The following ARID2 variants were observed in gnomAD, a reference collection of about 807,000 sequenced individuals.
ARID2 encodes AT-rich interaction domain 2, also known as AT-rich interactive domain-containing protein 2.
Under a neutral mutation model 184.6 loss-of-function variants are expected in ARID2, and 32 were observed. The observed-to-expected ratio is 0.17, with a 90% CI of 0.13 to 0.23. ARID2 has a LOEUF of 0.23. Among genes scored for constraint, ARID2 ranks in the 10% least tolerant of loss-of-function variants. ARID2 has a pLI of 1.00. For synonymous variants in ARID2, 836 were observed against 772.6 expected (o/e 1.08, Z -1.36); for missense variants, 1,696 against 2,197.6 (o/e 0.77, Z 4.56).
At chr12:45,869,843 A>G (rs2138203191) in intron 16 of ARID2, among the ~76,000 whole-genome samples, 1 of 152,260 alleles carries the variant, frequency 6.6e-6, no homozygotes. Flanking sequence ...AGATCATGCC[A>G]TTGCATTCCA....
chr12:45,821,723 C>T (rs1465708315), intron 6 of ARID2, among the ~76,000 whole-genome samples: 1 of 152,150 alleles, frequency 6.6e-6, no homozygotes, highest in Non-Finnish European at 1.5e-5. Context: ...ACAACAATAG[C>T]AGTAAACAAT....
chr12:45,749,091 T>C (rs1941412358), intron 3 of ARID2, among the ~76,000 whole-genome samples: 1 of 152,222 alleles, frequency 6.6e-6, no homozygotes, highest in Non-Finnish European at 1.5e-5. Flanking sequence ...TCAGACTACT[T>C]TGCTCACTTC....
At position 45,865,401 on chromosome 12, in the gene ARID2, T is replaced by C. The variant is rs1943816086; in HGVS notation, c.4922+4452T>C. Among the ~76,000 whole-genome samples, 3 of 152,134 alleles carry C rather than the reference T, an allele frequency of 2.0e-5. No homozygotes were observed. In the South Asian group the frequency reaches 6.2e-4, roughly 31 times the overall value. On this transcript the variant is annotated intron_variant, in intron 16 of 20. Coordinates refer to ENST00000334344, the MANE Select transcript of ARID2 (RefSeq NM_152641.4). ...TCAATTAATCATTTGTCTTTTAAAGTAAACAGACAAATGATTGTCTTTTTA... is the reference window on the plus strand; with the variant it reads ...TCAATTAATCATTTGTCTTTTAAAGCAAACAGACAAATGATTGTCTTTTTA...
intron 11 of ARID2, chr12:45,841,066 A>G (rs1003498395): frequency 5.9e-5 from 9 of 152,206 alleles, no homozygotes; most frequent in African/African-American, 1.9e-4. Flanking sequence ...GAAACTGTTC[A>G]TATTGCTAGT....
intron 16 of ARID2, among the ~76,000 whole-genome samples, chr12:45,873,594 T>C (rs1366297100): frequency 2.0e-5 from 3 of 152,072 alleles, no homozygotes; most frequent in Non-Finnish European, 4.4e-5. Context: ...CTCAGAGATA[T>C]TGCATGTTTG....
chr12:45,872,693 A>G (rs565579429), intron 16 of ARID2, among the ~76,000 whole-genome samples: 1 of 152,222 alleles, frequency 6.6e-6, no homozygotes, highest in Non-Finnish European at 1.5e-5. Flanking sequence ...ATGGGTGGGG[A>G]CACAGCCAAA....
chr12:45,842,176 A>G (rs528036949), intron 11 of ARID2: 1 of 150,810 alleles, frequency 6.6e-6, no homozygotes, highest in Admixed American at 6.6e-5. Flanking sequence ...GGCTGTAGTG[A>G]GCTATGAATG....
At chr12:45,763,264 T>C (rs1220575085) in intron 3 of ARID2, among the ~76,000 whole-genome samples, 2 of 151,744 alleles carry the variant, frequency 1.3e-5, no homozygotes, top group Non-Finnish European at 2.9e-5. Context: ...AGGTCAGGAG[T>C]TTGAGGCCAG....
chr12:45,756,742 G>A (rs1368032076), intron 3 of ARID2, among the ~76,000 whole-genome samples: 1 of 152,168 alleles, frequency 6.6e-6, no homozygotes, highest in Non-Finnish European at 1.5e-5. Flanking sequence ...TGAGGCGGGA[G>A]GATTGCTTGA....
chr12:45,751,786 T>A (rs1941469599), intron 3 of ARID2, among the ~76,000 whole-genome samples: 2 of 152,208 alleles, frequency 1.3e-5, no homozygotes, highest in South Asian at 4.1e-4. Flanking sequence ...ATGGTAAGTA[T>A]TTGTGTATCT....
intron 6 of ARID2, among the ~76,000 whole-genome samples, chr12:45,822,489 A>G (rs534050982): frequency 6.6e-6 from 1 of 152,308 alleles, no homozygotes; most frequent in East Asian, 1.9e-4. Flanking sequence ...GCAGTGAGCT[A>G]TAATTGTGCC....
chr12:45,866,155 CTATATA>C (rs933955400), intron 16 of ARID2, among the ~76,000 whole-genome samples: 68 of 151,602 alleles, frequency 4.5e-4, no homozygotes, highest in African/African-American at 1.6e-3. Flanking sequence ...ATTAATATGA[CTATATA>C]TATATACTTT....
chr12:45,873,026 T>A (rs562950012), intron 16 of ARID2, among the ~76,000 whole-genome samples: 1 of 152,350 alleles, frequency 6.6e-6, no homozygotes, highest in South Asian at 2.1e-4. Context: ...TCTATCAGTG[T>A]TTGACTCACA....
chr12:45,868,594 ATTTTTTG>A, intron 16 of ARID2, among the ~76,000 whole-genome samples: 3 of 152,144 alleles, frequency 2.0e-5, no homozygotes, highest in Non-Finnish European at 4.4e-5. Context: ...TAAAATGCAC[ATTTTTTG>A]CTTTGTAATA....
intron 16 of ARID2, among the ~76,000 whole-genome samples, chr12:45,886,955 C>T (rs1944202429): frequency 6.6e-6 from 1 of 152,152 alleles, no homozygotes; most frequent in Non-Finnish European, 1.5e-5. Context: ...AGACATTTTC[C>T]CCATTGTCTT....
chr12:45,846,845 T>C lies in ARID2; in HGVS notation c.1499-11T>C, dbSNP rs1007553569. 2 of 1,611,806 alleles carry C rather than the reference T, an allele frequency of 1.2e-6. No individual in the cohort carries two copies. Among genetic ancestry groups the C allele is most frequent in the African/African-American group, 1.3e-5 (1 of 74,860 alleles). ...TAAGAAATGATGTAGCTAATGTATT[T>C]TTTTCTTTAGCTTCCAGAGCAGTTG... On this transcript the variant is annotated splice_polypyrimidine_tract_variant and intron_variant, in intron 11 of 20. Transcript: ENST00000334344.
At chr12:45,879,337 C>T (rs1944063930) in intron 16 of ARID2, among the ~76,000 whole-genome samples, 1 of 152,124 alleles carries the variant, frequency 6.6e-6, no homozygotes, top group Admixed American at 6.5e-5. Context: ...ACAGTCTGGG[C>T]ATATTAGAAA....
intron 11 of ARID2, among the ~76,000 whole-genome samples, chr12:45,843,914 G>A (rs1176479470): frequency 6.6e-6 from 1 of 152,146 alleles, no homozygotes; most frequent in African/African-American, 2.4e-5. Context: ...ATTCAAGAAA[G>A]TATGTTAGTA....
At chr12:45,847,528 A>C (rs1943464828) in intron 12 of ARID2, among the ~76,000 whole-genome samples, 1 of 152,090 alleles carries the variant, frequency 6.6e-6, no homozygotes, top group South Asian at 2.1e-4. Context: ...GAGTTTTAAA[A>C]ATTTCACTTG....
Sources: gnomAD v4.1 joint callset for allele counts (sites outside exome capture counted in the v4.1 genomes callset) on GRCh38, gnomAD v4.1.1 for gene constraint, MANE v1.5 for transcripts, NCBI Gene and HGNC (gene_info 2026-07-23, HGNC 2026-07-21) for gene names.